DOK6: variants seen among roughly 807,000 people sequenced by gnomAD.
DOK6 encodes the protein docking protein 6.
Under a neutral mutation model 44.0 loss-of-function variants are expected in DOK6, and 22 were observed. The observed-to-expected ratio is 0.50, with a 90% CI of 0.36 to 0.71. DOK6 has a LOEUF of 0.71. Among genes scored for constraint, DOK6 ranks in the 30% least tolerant of loss-of-function variants. The pLI is 0.00. For synonymous variants in DOK6, 166 were observed against 145.5 expected, an observed-to-expected ratio of 1.14 and a Z score of -1.01; for missense variants, 340 against 416.4, an observed-to-expected ratio of 0.82 and a Z score of 1.60.
chr18:69,519,424 T>C (rs1981626981), intron 1 of DOK6, among the ~76,000 whole-genome samples: 1 of 152,020 alleles, frequency 6.6e-6, no homozygotes, highest in East Asian at 1.9e-4. Flanking sequence ...ATCACTGCTT[T>C]ATTTTTGTTA....
intron 1 of DOK6, among the ~76,000 whole-genome samples, chr18:69,506,862 C>G (rs1981202703): frequency 6.7e-6 from 1 of 149,310 alleles, no homozygotes; most frequent in Non-Finnish European, 1.5e-5. Context: ...TTGCTTCACA[C>G]CTTGTTGAAA....
At chr18:69,496,379 C>G (rs1351644111) in intron 1 of DOK6, among the ~76,000 whole-genome samples, 1 of 152,254 alleles carries the variant, frequency 6.6e-6, no homozygotes, top group Non-Finnish European at 1.5e-5. Context: ...TCCCACTTGT[C>G]CCGGCTACCA....
At chr18:69,512,126 A>G (rs1036752050) in intron 1 of DOK6, among the ~76,000 whole-genome samples, 1 of 128,720 alleles carries the variant, frequency 7.8e-6, no homozygotes, top group African/African-American at 2.9e-5. Context: ...TTTAAAATAT[A>G]TTTTATTTTT....
At chr18:69,435,655 A>G (rs1382941390) in intron 1 of DOK6, among the ~76,000 whole-genome samples, 1 of 152,236 alleles carries the variant, frequency 6.6e-6, no homozygotes, top group Non-Finnish European at 1.5e-5. Flanking sequence ...ATAGCATTAA[A>G]TATCATTTTT....
intron 3 of DOK6, among the ~76,000 whole-genome samples, chr18:69,658,512 CTAT>C (rs971453708): frequency 1.3e-5 from 2 of 151,984 alleles, no homozygotes; most frequent in Admixed American, 1.3e-4. Flanking sequence ...ATTACTATTG[CTAT>C]TATTATTATA....
intron 3 of DOK6, among the ~76,000 whole-genome samples, chr18:69,671,964 G>A (rs1175841171): frequency 1.3e-5 from 2 of 152,128 alleles, no homozygotes; most frequent in Non-Finnish European, 2.9e-5. Context: ...ACTTAGGGGC[G>A]TCTACGGCCA....
At chr18:69,750,235 T>C (rs1224115919) in intron 6 of DOK6, among the ~76,000 whole-genome samples, 1 of 151,582 alleles carries the variant, frequency 6.6e-6, no homozygotes, top group Non-Finnish European at 1.5e-5. Context: ...TTTGGAAGGG[T>C]AGGGGCTAGA....
intron 3 of DOK6, among the ~76,000 whole-genome samples, chr18:69,618,107 T>C (rs1599224883): frequency 6.6e-6 from 1 of 152,244 alleles, no homozygotes; most frequent in East Asian, 1.9e-4. Flanking sequence ...CAACAACCAC[T>C]ATGAGCTAGG....
chr18:69,730,216 A>G (rs1978356787), intron 5 of DOK6, among the ~76,000 whole-genome samples: 2 of 152,204 alleles, frequency 1.3e-5, no homozygotes, highest in African/African-American at 4.8e-5. Flanking sequence ...TCAAACACCA[A>G]CATCCCCTTT....
chr18:69,708,131 G>A (rs1290332877), intron 5 of DOK6, among the ~76,000 whole-genome samples: 2 of 152,090 alleles, frequency 1.3e-5, no homozygotes, highest in African/African-American at 4.8e-5. Context: ...AAAATAAATT[G>A]GACTTTATCT....
At chr18:69,535,355 G>A (rs1323717975) in intron 1 of DOK6, among the ~76,000 whole-genome samples, 1 of 151,914 alleles carries the variant, frequency 6.6e-6, no homozygotes, top group Non-Finnish European at 1.5e-5. Flanking sequence ...AGACAGGAAA[G>A]CAATTGCTTT....
chr18:69,699,936 G>A (rs1321838314), intron 5 of DOK6, among the ~76,000 whole-genome samples: 2 of 152,048 alleles, frequency 1.3e-5, no homozygotes. Context: ...GGCTAAGGAG[G>A]CCTCACAGTC....
intron 1 of DOK6, among the ~76,000 whole-genome samples, chr18:69,526,754 T>C (rs1981842355): frequency 6.6e-6 from 1 of 152,186 alleles, no homozygotes; most frequent in South Asian, 2.1e-4. Flanking sequence ...GTCCAGCATA[T>C]GGTTGTATTC....
chr18:69,832,950 G>C (rs1043569131), intron 7 of DOK6, among the ~76,000 whole-genome samples: 5 of 152,090 alleles, frequency 3.3e-5, no homozygotes, highest in African/African-American at 7.2e-5. Flanking sequence ...CATGTTCATG[G>C]ATTGGAAGAA....
At chr18:69,758,243 T>C (rs1003169245) in intron 7 of DOK6, among the ~76,000 whole-genome samples, 3 of 152,288 alleles carry the variant, frequency 2.0e-5, no homozygotes, top group East Asian at 1.9e-4. Flanking sequence ...AAGGATTCAA[T>C]ATCAGTTCAG....
chr18:69,789,374 A>G (rs535508440), intron 7 of DOK6, among the ~76,000 whole-genome samples: 1 of 152,254 alleles, frequency 6.6e-6, no homozygotes, highest in African/African-American at 2.4e-5. Flanking sequence ...TAATGCTTGC[A>G]TTATGTTGGT....
intron 1 of DOK6, among the ~76,000 whole-genome samples, chr18:69,494,004 T>G (rs1236568240): frequency 6.6e-6 from 1 of 152,190 alleles, no homozygotes; most frequent in Non-Finnish European, 1.5e-5. Context: ...TAACCTGGGG[T>G]CTGTTTCAGG....
At chr18:69,558,060 T>C (rs1267826129) in intron 1 of DOK6, among the ~76,000 whole-genome samples, 2 of 152,172 alleles carry the variant, frequency 1.3e-5, no homozygotes, top group Non-Finnish European at 2.9e-5. Context: ...AATGTGTATC[T>C]TTCATTTACA....
chr18:69,551,806 A>G (rs926250571), intron 1 of DOK6, among the ~76,000 whole-genome samples: 4 of 152,162 alleles, frequency 2.6e-5, no homozygotes, highest in Non-Finnish European at 4.4e-5. Flanking sequence ...ATATATGTGT[A>G]TTGTTTTTAA....
Sources: gnomAD v4.1 joint callset for allele counts (sites outside exome capture counted in the v4.1 genomes callset) on GRCh38, gnomAD v4.1.1 for gene constraint, MANE v1.5 for transcripts, NCBI Gene and HGNC (gene_info 2026-07-23, HGNC 2026-07-21) for gene names.